The following PLAA variants were observed in gnomAD, a reference collection of about 807,000 sequenced individuals.
PLAA encodes the protein phospholipase A2 activating protein.
Under a neutral mutation model 84.1 loss-of-function variants are expected in PLAA, and 48 were observed. That is an observed-to-expected ratio of 0.57 (90% CI 0.45 to 0.73). PLAA has a LOEUF of 0.73. Ranked by LOEUF, PLAA falls within the 30% of genes least tolerant of loss-of-function variation. PLAA has a pLI of 0.00. For synonymous variants in PLAA, 392 were observed against 336.6 expected (o/e 1.16, Z -1.80); for missense variants, 903 against 954.7 (o/e 0.95, Z 0.71).
chr9:26,906,207 C>A, intron 13 of PLAA, 131 bp from the exon 14 acceptor site: 1 of 547,544 alleles, frequency 1.8e-6, no homozygotes, highest in Non-Finnish European at 3.0e-6. Flanking sequence ...CATGTGTCTG[C>A]TTTAAAAAAA....
chr9:26,928,253 C>T, intron 3 of PLAA, 33 bp from the exon 4 acceptor site: 1 of 1,613,912 alleles, frequency 6.2e-7, no homozygotes, highest in Non-Finnish European at 8.5e-7. Context: ...TTTAAGTTGC[C>T]ACAGAATCAT....
intron 13 of PLAA, among the ~76,000 whole-genome samples, chr9:26,907,364 C>T (rs1437923289): frequency 2.7e-5 from 4 of 148,932 alleles, no homozygotes; most frequent in Non-Finnish European, 5.9e-5. Flanking sequence ...CCCGTCTCTA[C>T]TAAAAATACA....
chr9:26,911,016 T>C (rs546148588), intron 11 of PLAA, among the ~76,000 whole-genome samples: 2 of 152,284 alleles, frequency 1.3e-5, no homozygotes, highest in East Asian at 1.9e-4. Flanking sequence ...AATCCCCAAG[T>C]TGTAAATCCC....
chr9:26,936,574 T>C (rs554727737), intron 1 of PLAA, among the ~76,000 whole-genome samples: 1 of 152,320 alleles, frequency 6.6e-6, no homozygotes, highest in South Asian at 2.1e-4. Context: ...TGCCTGCTCT[T>C]GGCACAGTAG....
chr9:26,912,697 T>A (rs1490181257), intron 11 of PLAA, among the ~76,000 whole-genome samples: 2 of 152,168 alleles, frequency 1.3e-5, no homozygotes, highest in Non-Finnish European at 2.9e-5. Flanking sequence ...ATTTTATAAT[T>A]TTAAGTTCTT....
chr9:26,909,851 T>C (rs1368679710), intron 12 of PLAA, among the ~76,000 whole-genome samples: 2 of 152,178 alleles, frequency 1.3e-5, no homozygotes, highest in South Asian at 2.1e-4. Flanking sequence ...CTCGAACTCC[T>C]GACCTTAGGC....
At chr9:26,910,581 A>C in intron 11 of PLAA, 142 bp from the exon 12 acceptor site, 1 of 451,570 alleles carries the variant, frequency 2.2e-6, no homozygotes, top group Non-Finnish European at 3.8e-6. Context: ...CAAGGGGAAA[A>C]ATATCCAAAA....
chr9:26,930,310 T>G (rs1253153201), intron 2 of PLAA, among the ~76,000 whole-genome samples: 3 of 152,052 alleles, frequency 2.0e-5, no homozygotes, highest in African/African-American at 4.8e-5. Context: ...TTCACCGTGT[T>G]AGCTAGGATG....
At chr9:26,923,021 C>G (rs1050659321) in intron 7 of PLAA, among the ~76,000 whole-genome samples, 157 bp downstream of exon 7, 11 of 152,108 alleles carry the variant, frequency 7.2e-5, no homozygotes, top group Admixed American at 5.9e-4. Context: ...GAGGCAAGAA[C>G]ATGGTTTCTC....
intron 6 of PLAA, 100 bp from the exon 7 acceptor site, chr9:26,923,447 T>G: frequency 1.1e-6 from 1 of 875,066 alleles, no homozygotes; most frequent in African/African-American, 1.7e-5. Flanking sequence ...TGTTTGTGAA[T>G]ATGAGAAATA....
At chr9:26,908,918 A>G (rs1031921440) in intron 12 of PLAA, among the ~76,000 whole-genome samples, 1 of 152,000 alleles carries the variant, frequency 6.6e-6, no homozygotes, top group African/African-American at 2.4e-5. Flanking sequence ...AAATAGTCAA[A>G]GAGTTAAATG....
intron 9 of PLAA, among the ~76,000 whole-genome samples, chr9:26,918,849 T>G (rs530351043): frequency 6.6e-6 from 1 of 152,274 alleles, no homozygotes; most frequent in South Asian, 2.1e-4. Context: ...ATTTATAACA[T>G]GAGATACGAT....
intron 1 of PLAA, among the ~76,000 whole-genome samples, chr9:26,944,121 G>A (rs371053744): frequency 6.6e-6 from 1 of 152,100 alleles, no homozygotes. Flanking sequence ...TCATTATTGC[G>A]GGACTGGGTT....
chr9:26,910,729 C>G (rs867547172), intron 11 of PLAA, among the ~76,000 whole-genome samples: 1 of 152,014 alleles, frequency 6.6e-6, no homozygotes, highest in Non-Finnish European at 1.5e-5. Context: ...GCAATCACAG[C>G]TCACTACAGC....
At chr9:26,910,164 A>G (rs1163000111) in intron 12 of PLAA, among the ~76,000 whole-genome samples, 174 bp downstream of exon 12, 1 of 152,182 alleles carries the variant, frequency 6.6e-6, no homozygotes, top group African/African-American at 2.4e-5. Context: ...AGAAAGTATT[A>G]TGGATCCTTT....
intron 1 of PLAA, among the ~76,000 whole-genome samples, chr9:26,938,232 G>C (rs150328797): frequency 1.3e-5 from 2 of 152,288 alleles, no homozygotes; most frequent in East Asian, 1.9e-4. Flanking sequence ...GTCAAACTGA[G>C]TGCAGTAGCA....
chr9:26,919,182 T>C (rs1465130258), intron 9 of PLAA, 128 bp downstream of exon 9: 7 of 535,420 alleles, frequency 1.3e-5, no homozygotes, highest in Non-Finnish European at 2.0e-5. Context: ...CATATGAATG[T>C]GAAGTAAAAC....
At chr9:26,944,413 T>C (rs1364590358) in intron 1 of PLAA, among the ~76,000 whole-genome samples, 1 of 152,152 alleles carries the variant, frequency 6.6e-6, no homozygotes, top group East Asian at 1.9e-4. Flanking sequence ...TTTTACAACA[T>C]TAAAGGTATG....
At chr9:26,919,595 C>A (rs41271173) in intron 8 of PLAA, 66 bp from the exon 9 acceptor site, 1 of 835,630 alleles carries the variant, frequency 1.2e-6, no homozygotes. Flanking sequence ...ATGACATATA[C>A]AACATAACAC....
Sources: allele counts gnomAD v4.1 joint callset (sites outside exome capture counted in the v4.1 genomes callset), GRCh38; gene constraint gnomAD v4.1.1; transcripts MANE v1.5; gene names NCBI Gene and HGNC (gene_info 2026-07-23, HGNC 2026-07-21).